The following SLC6A7 variants were observed in gnomAD, a reference collection of about 807,000 sequenced individuals.
SLC6A7 encodes the protein solute carrier family 6 member 7.
A neutral mutation model predicts 73.1 loss-of-function variants in SLC6A7; 58 were observed. That is an observed-to-expected ratio of 0.79 (90% CI 0.64 to 0.99). SLC6A7 has a LOEUF of 0.99. Among genes scored for constraint, SLC6A7 ranks in the 50% least tolerant of loss-of-function variants. The pLI, the probability that SLC6A7 is intolerant of heterozygous loss-of-function variation, is 0.00. For synonymous variants in SLC6A7, 338 were observed against 338.7 expected, an observed-to-expected ratio of 1.00 and a Z score of 0.02; for missense variants, 783 against 831.4, an observed-to-expected ratio of 0.94 and a Z score of 0.72.
At chr5:150,198,117 G>GAAAGAAAGAAAGGAAAGAA (rs1753167057) in intron 4 of SLC6A7, among the ~76,000 whole-genome samples, 12 of 57,560 alleles carry the variant, frequency 2.1e-4, no homozygotes, top group Admixed American at 5.1e-4. Context: ...GAAAGAAAGA[G>GAAAGAAAGAAAGGAAAGAA]AAAGAAAGAA....
rs763449074 is a variant in SLC6A7 at position 150,201,109 on chromosome 5, G to A, written c.744G>A (p.Thr248=). The change falls in exon 6 of 14, where the codon ACG becomes ACA. Residue 248 remains threonine (T), a synonymous_variant. Coordinates refer to ENST00000230671, the MANE Select transcript of SLC6A7 (RefSeq NM_014228.5). ...CTCAGGTGGTGTATTTCACGGCCAC[G>A]TTCCCCTACCTCATCCTGCTCATGC... ...SSGKVVYFTA[T]FPYLILLMLL... is the part of the protein sequence containing the mutation. The A allele has an allele frequency of 9.9e-6, 16 of 1,613,644 alleles. No homozygotes were observed. The highest frequency in any genetic ancestry group is 3.3e-5 in the Admixed American group (2 of 59,966).
chr5:150,204,466 G>A, intron 10 of SLC6A7, 66 bp from the exon 11 acceptor site: 2 of 1,255,822 alleles, frequency 1.6e-6, no homozygotes, highest in Non-Finnish European at 2.3e-6. Flanking sequence ...CTTCTTGCCA[G>A]GAGAAGGGGC....
At chr5:150,208,637 A>G (rs1239226914) in intron 13 of SLC6A7, among the ~76,000 whole-genome samples, 3 of 152,226 alleles carry the variant, frequency 2.0e-5, no homozygotes, top group South Asian at 2.1e-4. Flanking sequence ...GGCATCACAC[A>G]TGGTATCTCC....
intron 13 of SLC6A7, among the ~76,000 whole-genome samples, chr5:150,207,451 A>G (rs1580874251): frequency 6.6e-6 from 1 of 152,284 alleles, no homozygotes; most frequent in East Asian, 1.9e-4. Flanking sequence ...AAACAGGACC[A>G]GGCTGGTCTT....
chr5:150,196,835 C>G lies in SLC6A7; in HGVS notation c.337C>G (p.Pro113Ala), dbSNP rs143588830. ...GCCCCTGGCTGTCTGGAAAATCAGC[C>G]CTCTCTTCAAAGGTGAGGCCTCAGT... The part of the protein sequence containing the change: ...LGPLAVWKIS[P>A]LFKGAGAAML... Residue 113 changes from proline to alanine, a missense_variant, in exon 3 of 14, where the codon CCT (proline) becomes GCT (alanine). Physicochemically the swap from Pro to Ala is conservative, Grantham distance 27. Transcript: ENST00000230671. 2 of 1,613,920 alleles carry G rather than the reference C, an allele frequency of 1.2e-6. No homozygotes were observed. The highest frequency in any genetic ancestry group is 2.7e-5 in the African/African-American group (2 of 74,926).
intron 5 of SLC6A7, among the ~76,000 whole-genome samples, chr5:150,199,735 G>A (rs1165385036): frequency 6.6e-6 from 1 of 152,186 alleles, no homozygotes; most frequent in Non-Finnish European, 1.5e-5. Context: ...ATCACACTCA[G>A]TTGGAAAGTC....
At position 150,204,899 on chromosome 5, in the gene SLC6A7, G is replaced by T. The variant is rs755120238; in HGVS notation, c.1505G>T (p.Trp502Leu). ...FKPGLYFRAC[W>L]LFLSPATLLA... is the part of the protein sequence containing the mutation. ...CCGGGCCTCTACTTCAGGGCCTGCTGGCTGTTCCTGTCCCCAGCCACGCTC... is the reference window on the plus strand; with the variant it reads ...CCGGGCCTCTACTTCAGGGCCTGCTTGCTGTTCCTGTCCCCAGCCACGCTC... The change falls in exon 12 of 14, where the codon TGG becomes TTG. Residue 502 changes from tryptophan (W) to leucine (L), a missense_variant. Transcript: ENST00000230671. 5 of 1,607,326 alleles carry T rather than the reference G, an allele frequency of 3.1e-6. No homozygotes were observed. The highest frequency in any genetic ancestry group is 4.5e-5 in the East Asian group (2 of 44,848).
At chr5:150,198,789 C>T (rs1753204911) in intron 4 of SLC6A7, among the ~76,000 whole-genome samples, 1 of 149,442 alleles carries the variant, frequency 6.7e-6, no homozygotes. Flanking sequence ...CTAAAGAACA[C>T]AGTCATGGCC....
intron 8 of SLC6A7, among the ~76,000 whole-genome samples, 164 bp from the exon 9 acceptor site, chr5:150,203,503 G>C (rs1298539800): frequency 6.6e-6 from 1 of 150,722 alleles, no homozygotes; most frequent in Non-Finnish European, 1.5e-5. Context: ...GCTGGTGTAG[G>C]TCCTGGGAGT....
intron 4 of SLC6A7, among the ~76,000 whole-genome samples, chr5:150,198,811 GGTGTGTGTGTGTGTGTGTGTGTGT>G (rs774414750): frequency 8.9e-6 from 1 of 112,026 alleles, no homozygotes; most frequent in African/African-American, 3.3e-5. Flanking sequence ...GGCCCTGGAT[GGTGTGTGTGTGTGTGTGTGTGTGT>G]GTGTGTGTGT....
In SLC6A7 at chr5:150,199,309, G is replaced by A. The variant is rs1317795682; in HGVS notation, c.666G>A (p.Leu222=). Residue 222 remains leucine (L), a synonymous_variant, in exon 5 of 14, where the codon CTG becomes CTA. Coordinates refer to ENST00000230671, the MANE Select transcript of SLC6A7 (RefSeq NM_014228.5). ...GCTGGAACCTCTGCCTCTGCCTGCT[G>A]CTGGCCTGGGTCATCGTGTTCCTCT... ...EIRWNLCLCL[L]LAWVIVFLCI... is the part of the protein sequence containing the mutation. 1 of 1,614,132 alleles carries A rather than the reference G, an allele frequency of 6.2e-7. No homozygotes were observed.
At chr5:150,204,205 T>G (rs1753560044) in intron 10 of SLC6A7, among the ~76,000 whole-genome samples, 167 bp downstream of exon 10, 1 of 152,188 alleles carries the variant, frequency 6.6e-6, no homozygotes, top group South Asian at 2.1e-4. Flanking sequence ...TTTGGCCTTG[T>G]GATCCAGAGT....
chr5:150,204,530 A>AG lies in SLC6A7; in HGVS notation c.1337dup. On this transcript the variant is annotated splice_acceptor_variant, in intron 10 of 13. Coordinates refer to ENST00000230671, the MANE Select transcript of SLC6A7 (RefSeq NM_014228.5). LOFTEE classifies it high-confidence loss of function. ...GACACCAGAACTGTGCTTGTGTTTT[A>AG]GGGGGGCATGTACTGGCTGGTCCTT... The AG allele has an allele frequency of 1.2e-6, 2 of 1,611,698 alleles. No individual in the cohort carries two copies. Among genetic ancestry groups the AG allele is most frequent in the Non-Finnish European group, 1.7e-6 (2 of 1,177,780 alleles).
Position 150,199,380 on chromosome 5 carries a change from G to A in SLC6A7, c.723+14G>A. The A allele has an allele frequency of 3.7e-6, 6 of 1,602,248 alleles. No homozygotes were observed. Among genetic ancestry groups the A allele is most frequent in the Non-Finnish European group, 5.1e-6 (6 of 1,170,168 alleles). Reference sequence around the variant, plus strand: ...TCTTCGGGCAAGGTGAAGCCTGGGAGGCCCCGGAGGCCTGAGGGGCTGGAT... The same window carrying A: ...TCTTCGGGCAAGGTGAAGCCTGGGAAGCCCCGGAGGCCTGAGGGGCTGGAT... On this transcript the variant is annotated intron_variant, in intron 5 of 13. Coordinates refer to ENST00000230671, the MANE Select transcript of SLC6A7 (RefSeq NM_014228.5).
chr5:150,208,061 G>A (rs1753785290), intron 13 of SLC6A7, among the ~76,000 whole-genome samples: 2 of 135,746 alleles, frequency 1.5e-5, no homozygotes, highest in Non-Finnish European at 3.5e-5. Context: ...AATGTCAGGA[G>A]CACTCAGGTT....
intron 8 of SLC6A7, 92 bp downstream of exon 8, chr5:150,202,795 C>G: frequency 9.8e-6 from 14 of 1,434,120 alleles, no homozygotes; most frequent in Non-Finnish European, 1.3e-5. Flanking sequence ...TGGATGGGGG[C>G]CAGGCGCGGT....
chr5:150,199,284 G>T lies in SLC6A7; in HGVS notation c.641G>T (p.Arg214Leu), dbSNP rs371268394. Residue 214 changes from arginine (R) to leucine (L), a missense_variant, in exon 5 of 14, where the codon CGC becomes CTC. By Grantham distance (102) the Arg-to-Leu change is moderately radical. Coordinates refer to ENST00000230671, the MANE Select transcript of SLC6A7 (RefSeq NM_014228.5). ...GGCATCGGCAGCCCTGGGGAGATCC[G>T]CTGGAACCTCTGCCTCTGCCTGCTG... ...SQGIGSPGEIRWNLCLCLLLA... is the reference protein window; with the variant it reads ...SQGIGSPGEILWNLCLCLLLA... 6.2e-7 allele frequency: 1 copy of T among 1,613,898 alleles called. No individual in the cohort carries two copies. The highest frequency in any genetic ancestry group is 1.1e-5 in the South Asian group (1 of 91,050).
intron 8 of SLC6A7, 122 bp downstream of exon 8, chr5:150,202,825 A>C (rs550998002): frequency 1.7e-6 from 2 of 1,143,156 alleles, no homozygotes; most frequent in East Asian, 2.7e-5. Context: ...CTGTGATCCC[A>C]GCACTTTGGG....
rs1562095883 is a variant in SLC6A7, at chr5:150,203,679, C to A, written c.1100C>A (p.Ala367Asp). 2 of 1,606,602 alleles carry A rather than the reference C, an allele frequency of 1.2e-6. No individual in the cohort carries two copies. ...GCCCCTGGCCCAGGCCCTGGCCTGG[C>A]CTTTGTCGTCTACCCACAGGCCATG... Reference protein sequence around the residue: ...DQVAKAGPGLAFVVYPQAMTM... With the variant: ...DQVAKAGPGLDFVVYPQAMTM... The change falls in exon 9 of 14, where the codon GCC becomes GAC. Residue 367 changes from alanine (A) to aspartate (D), a missense_variant. Ala to Asp is a moderately radical substitution (Grantham distance 126, BLOSUM62 -2). Coordinates refer to ENST00000230671, the MANE Select transcript of SLC6A7 (RefSeq NM_014228.5).
Sources: allele counts gnomAD v4.1 joint callset (sites outside exome capture counted in the v4.1 genomes callset), GRCh38; gene constraint gnomAD v4.1.1; transcripts MANE v1.5; gene names NCBI Gene and HGNC (gene_info 2026-07-23, HGNC 2026-07-21).